CNTN4: variants seen among roughly 807,000 people sequenced by gnomAD.
The protein encoded by CNTN4 is contactin-4.
In CNTN4, 77 loss-of-function variants were observed where a neutral mutation model predicts 122.5. That is an observed-to-expected ratio of 0.63 (90% confidence interval 0.52 to 0.76). CNTN4 has a LOEUF of 0.76. Ranked by LOEUF, CNTN4 falls within the 30% of genes least tolerant of loss-of-function variation. The pLI, the probability that CNTN4 is intolerant of heterozygous loss-of-function variation, is 0.00. For missense variants in CNTN4, 1,256 were observed against 1,259.1 expected (o/e 1.00, Z 0.04); for synonymous variants, 512 against 447.0 (o/e 1.15, Z -1.83).
At chr3:2,936,676 C>G (rs1315037212) in intron 13 of CNTN4, among the ~76,000 whole-genome samples, 2 of 152,190 alleles carry the variant, frequency 1.3e-5, no homozygotes, top group Non-Finnish European at 2.9e-5. Flanking sequence ...GTGCTGTTCT[C>G]CTTCCCTGAA....
chr3:2,215,883 CAAAAAA>C lies in CNTN4; in HGVS notation c.-145+115263_-145+115268del, dbSNP rs869205172. ...GTGTGAACAGAGTGAGCCTCTGTCT[CAAAAAA>C]AAAAAAAAAAAAAAAAAAGAGTTCC... is the stretch of plus-strand genomic sequence containing the variant. On this transcript the variant is annotated intron_variant, in intron 2 of 24. Transcript: ENST00000418658. 3.5e-3 allele frequency among the ~76,000 whole-genome samples: 210 copies of C among 60,260 alleles called. 1 individual carries two copies. The highest frequency in any genetic ancestry group is 0.013 in the African/African-American group (195 of 15,094). The allele number at this position is 60,260 out of a possible 152,430, so 39.5% of individuals were successfully genotyped here.
At chr3:2,438,353 C>T (rs1847170) in intron 3 of CNTN4, among the ~76,000 whole-genome samples, 51,934 of 151,908 alleles carry the variant, frequency 0.34, 10,342 homozygotes, top group East Asian at 0.74. Flanking sequence ...GAAACCCCAT[C>T]TCTACTGAAA....
At chr3:2,980,763 T>C (rs1693885292) in intron 13 of CNTN4, among the ~76,000 whole-genome samples, 1 of 152,188 alleles carries the variant, frequency 6.6e-6, no homozygotes. Context: ...ACTTCCGGCT[T>C]GTGTTGGAGT....
chr3:2,598,542 T>C (rs770099658), intron 4 of CNTN4, among the ~76,000 whole-genome samples: 3 of 152,166 alleles, frequency 2.0e-5, no homozygotes, highest in Non-Finnish European at 4.4e-5. Flanking sequence ...TTGCACACAT[T>C]CACATATATA....
intron 2 of CNTN4, among the ~76,000 whole-genome samples, chr3:2,153,551 G>C (rs2035584544): frequency 6.6e-6 from 1 of 152,176 alleles, no homozygotes; most frequent in African/African-American, 2.4e-5. Flanking sequence ...TGGAGATAGA[G>C]AGCAAAGTAA....
At chr3:2,910,768 C>T (rs1364713896) in intron 12 of CNTN4, among the ~76,000 whole-genome samples, 3 of 152,172 alleles carry the variant, frequency 2.0e-5, no homozygotes, top group Non-Finnish European at 4.4e-5. Flanking sequence ...ATTTGGGGAG[C>T]CTAATCTAAG....
intron 6 of CNTN4, among the ~76,000 whole-genome samples, chr3:2,789,901 A>C (rs1278954543): frequency 6.6e-6 from 1 of 152,214 alleles, no homozygotes; most frequent in Admixed American, 6.5e-5. Context: ...TCTGGTTACA[A>C]TAGACTAGAA....
At chr3:2,411,393 T>C (rs1226408802) in intron 3 of CNTN4, among the ~76,000 whole-genome samples, 6 of 152,128 alleles carry the variant, frequency 3.9e-5, no homozygotes, top group Non-Finnish European at 2.9e-5. Context: ...TTCAGAAATA[T>C]TGAGATGTTT....
At chr3:2,623,277 T>C (rs2082061084) in intron 4 of CNTN4, among the ~76,000 whole-genome samples, 3 of 152,130 alleles carry the variant, frequency 2.0e-5, no homozygotes, top group African/African-American at 7.2e-5. Context: ...TTCCCTGATT[T>C]TCTACCCTCT....
chr3:2,897,163 C>T (rs1028957365), intron 10 of CNTN4, among the ~76,000 whole-genome samples: 16 of 152,062 alleles, frequency 1.1e-4, no homozygotes, highest in African/African-American at 2.7e-4. Context: ...AATACACAAA[C>T]GCTGATTTAG....
intron 4 of CNTN4, among the ~76,000 whole-genome samples, chr3:2,654,887 C>T (rs2083516411): frequency 6.6e-6 from 1 of 152,116 alleles, no homozygotes; most frequent in Non-Finnish European, 1.5e-5. Flanking sequence ...GCTAGTATGC[C>T]CCAGATAACA....
chr3:2,818,359 C>A (rs544287959), intron 6 of CNTN4, among the ~76,000 whole-genome samples: 1 of 151,830 alleles, frequency 6.6e-6, no homozygotes, highest in South Asian at 2.1e-4. Context: ...GTAACTGCAG[C>A]CTTCCCAATT....
At chr3:2,548,613 C>A (rs1275847835) in intron 3 of CNTN4, among the ~76,000 whole-genome samples, 2 of 152,064 alleles carry the variant, frequency 1.3e-5, no homozygotes, top group South Asian at 4.1e-4. Flanking sequence ...TAGCATGATA[C>A]CTCCAGCTTT....
intron 2 of CNTN4, among the ~76,000 whole-genome samples, chr3:2,243,883 C>T (rs993121376): frequency 1.3e-5 from 2 of 151,926 alleles, no homozygotes; most frequent in African/African-American, 4.8e-5. Context: ...AGGCTGGTTG[C>T]CCACAGGAAA....
At chr3:2,228,164 A>G (rs2039355692) in intron 2 of CNTN4, among the ~76,000 whole-genome samples, 1 of 152,096 alleles carries the variant, frequency 6.6e-6, no homozygotes, top group Admixed American at 6.5e-5. Flanking sequence ...TTTAATTTAT[A>G]TACATTTTGA....
At chr3:2,169,657 A>G (rs1339522622) in intron 2 of CNTN4, among the ~76,000 whole-genome samples, 5 of 151,902 alleles carry the variant, frequency 3.3e-5, no homozygotes, top group Admixed American at 6.6e-5. Context: ...TCCGCCTCCC[A>G]AAGTGCTGGG....
At chr3:2,258,643 T>C (rs1481366990) in intron 2 of CNTN4, among the ~76,000 whole-genome samples, 2 of 152,200 alleles carry the variant, frequency 1.3e-5, no homozygotes, top group African/African-American at 4.8e-5. Flanking sequence ...CTGAACTTCC[T>C]GAATTGCAAA....
intron 2 of CNTN4, among the ~76,000 whole-genome samples, chr3:2,141,445 C>G (rs1403253172): frequency 6.6e-6 from 1 of 152,160 alleles, no homozygotes; most frequent in Non-Finnish European, 1.5e-5. Context: ...AACAGACTCT[C>G]TGATAGACCC....
At position 2,470,278 on chromosome 3, in the gene CNTN4, G is replaced by A. The variant is rs145829282; in HGVS notation, c.-88-101138G>A. On this transcript the variant is annotated intron_variant, in intron 3 of 24. Transcript: ENST00000418658. ...TTTTTAGTAGAGACGGGGTTTCACC[G>A]TGTTAGCCCAGTGGTCTCGATCTCC... Among the ~76,000 whole-genome samples the A allele has an allele frequency of 6.4e-3, 974 of 152,104 alleles. 15 individuals are homozygous for A. The highest frequency in any genetic ancestry group is 0.02 in the Middle Eastern group (6 of 294).
Sources: gnomAD v4.1 joint callset for allele counts (sites outside exome capture counted in the v4.1 genomes callset) on GRCh38, gnomAD v4.1.1 for gene constraint, MANE v1.5 for transcripts, NCBI Gene and HGNC (gene_info 2026-07-23, HGNC 2026-07-21) for gene names.